SMARCA4: variants seen among roughly 807,000 people sequenced by gnomAD.
SMARCA4 encodes SWI/SNF related BAF chromatin remodeling complex subunit ATPase 4, also known as SWI/SNF-related matrix-associated actin-dependent regulator of chromatin subfamily A member 4.
SMARCA4 carries 31 observed loss-of-function variants against 193.9 expected under a neutral mutation model. The ratio of observed to expected loss-of-function variants is 0.16; its 90% CI spans 0.12 to 0.22. The LOEUF (loss-of-function observed/expected upper bound fraction) is 0.22. SMARCA4 is among the 10% of genes least tolerant of loss of function. The probability of loss-of-function intolerance (pLI) is 1.00; values close to 1 mark genes in which losing one functional copy is unlikely to be tolerated. For missense variants in SMARCA4, 1,148 were observed against 2,296.0 expected (o/e 0.50, Z 10.22); for synonymous variants, 942 against 933.1 (o/e 1.01, Z -0.17).
intron 19 of SMARCA4, among the ~76,000 whole-genome samples, chr19:11,022,492 G>T (rs1240332772): frequency 1.3e-5 from 2 of 152,226 alleles, no homozygotes; most frequent in Non-Finnish European, 2.9e-5. Context: ...CATCATCATT[G>T]ATGAGTGGTC....
intron 18 of SMARCA4, chr19:11,021,347 C>G (rs1055984964): frequency 7.0e-5 from 26 of 370,970 alleles, no homozygotes; most frequent in Non-Finnish European, 1.3e-4. Context: ...CCCTGAGACC[C>G]TCCACACCAG....
chr19:11,027,281 T>G (rs182930784), intron 23 of SMARCA4, among the ~76,000 whole-genome samples: 29 of 152,276 alleles, frequency 1.9e-4, no homozygotes, highest in Non-Finnish European at 2.4e-4. Context: ...TGGTCAGCCA[T>G]ATCACGTCGT....
chr19:11,022,181 C>T (rs1167591589), intron 19 of SMARCA4, among the ~76,000 whole-genome samples: 4 of 152,164 alleles, frequency 2.6e-5, no homozygotes, highest in Non-Finnish European at 5.9e-5. Flanking sequence ...TGGTGAATCT[C>T]GGAATGCTCG....
intron 8 of SMARCA4, among the ~76,000 whole-genome samples, chr19:10,993,680 C>T (rs537058849): frequency 6.6e-6 from 1 of 151,998 alleles, no homozygotes; most frequent in South Asian, 2.1e-4. Flanking sequence ...GAGTCTCGCT[C>T]TGTCGCCCAC....
chr19:11,042,789 C>A (rs1282940319), intron 30 of SMARCA4, among the ~76,000 whole-genome samples: 1 of 152,086 alleles, frequency 6.6e-6, no homozygotes, highest in Non-Finnish European at 1.5e-5. Context: ...GAGTTTGAGA[C>A]CAGCATGGAC....
chr19:11,024,362 C>T lies in SMARCA4; in HGVS notation c.3005C>T (p.Ala1002Val), dbSNP rs1350288991. ...TACGTCATCAAGTGCGACATGTCTGCGCTGCAGCGAGTGCTCTACCGCCAC... is the reference window on the plus strand; with the variant it reads ...TACGTCATCAAGTGCGACATGTCTGTGCTGCAGCGAGTGCTCTACCGCCAC... ...VEYVIKCDMS[A>V]LQRVLYRHMQ... The change falls in exon 21 of 35, where the codon GCG becomes GTG. Residue 1002 changes from alanine to valine, a missense_variant. Physicochemically the swap from Ala to Val is moderately conservative, Grantham distance 64. Coordinates refer to ENST00000344626, the MANE Select transcript of SMARCA4 (RefSeq NM_003072.5). The T allele has an allele frequency of 1.2e-6, 2 of 1,612,632 alleles. No individual in the cohort carries two copies. Among genetic ancestry groups the T allele is most frequent in the Non-Finnish European group, 1.7e-6 (2 of 1,179,526 alleles).
Position 11,030,398 on chromosome 19 carries a change from C to T in SMARCA4, c.3383-332C>T, listed in dbSNP as rs1216306012. On this transcript the variant is annotated intron_variant, in intron 24 of 34. Transcript: ENST00000344626. This position sits in a 1 kb window ranked among gnomAD's most constrained non-coding sequence, Gnocchi z 5.5. ...GTAGAGTAGAGGAGAGAATCCAGGG[C>T]TGTGGTGGTGGTGGCTGTGCTGACG... Among the ~76,000 whole-genome samples the T allele has an allele frequency of 6.6e-6, 1 of 152,198 alleles. No individual in the cohort carries two copies. The highest frequency in any genetic ancestry group is 1.5e-5 in the Non-Finnish European group (1 of 68,038).
rs1286753705 is a variant in SMARCA4 at position 11,031,075 on chromosome 19, G to T, written c.3546+182G>T. The T allele has an allele frequency of 1.5e-6, 1 of 659,134 alleles. No homozygotes were observed. The highest frequency in any genetic ancestry group is 2.7e-6 in the Non-Finnish European group (1 of 365,952). 40.8% of individuals were successfully genotyped at this position (659,134 alleles called of 1,614,324 possible). The stretch of plus-strand genomic sequence containing the variant: ...GGGAGAAAAGAGGCGGGGTCCTCCT[G>T]TTTCCCAAAATACAAACAGCCTTTC... On this transcript the variant is annotated intron_variant, in intron 25 of 34. Coordinates refer to ENST00000344626, the MANE Select transcript of SMARCA4 (RefSeq NM_003072.5). This position sits in a 1 kb window ranked among gnomAD's most constrained non-coding sequence, Gnocchi z 4.3.
intron 22 of SMARCA4, among the ~76,000 whole-genome samples, chr19:11,025,941 G>A (rs551642522): frequency 1.3e-5 from 2 of 152,296 alleles, no homozygotes; most frequent in African/African-American, 4.8e-5. Context: ...GCATATGTTC[G>A]TGTTTCTTGG....
At chr19:10,982,040 A>C (rs951023795) in intron 1 of SMARCA4, among the ~76,000 whole-genome samples, 1 of 151,978 alleles carries the variant, frequency 6.6e-6, no homozygotes. Flanking sequence ...TAGATCACCT[A>C]ATACAATGTA....
At chr19:10,966,357 C>T (rs1261421756) in intron 1 of SMARCA4, among the ~76,000 whole-genome samples, 1 of 151,700 alleles carries the variant, frequency 6.6e-6, no homozygotes, top group Non-Finnish European at 1.5e-5. Flanking sequence ...TTGGGAGGCC[C>T]AGCAGGGCAA....
chr19:11,026,492 C>T (rs1054883874), intron 23 of SMARCA4, 146 bp downstream of exon 23: 4 of 523,782 alleles, frequency 7.6e-6, no homozygotes, highest in Admixed American at 3.2e-5. Flanking sequence ...GCAAATAATA[C>T]AAATCTTTTT....
chr19:11,008,296 G>C, intron 14 of SMARCA4: 1 of 405,110 alleles, frequency 2.5e-6, no homozygotes, highest in South Asian at 2.0e-5. Flanking sequence ...CTGCTCCCCG[G>C]CTCCCTCCCT....
chr19:11,040,371 A>T (rs2075528749), intron 29 of SMARCA4: 1 of 152,106 alleles, frequency 6.6e-6, no homozygotes, highest in African/African-American at 2.4e-5. Flanking sequence ...AGGCGGGCAG[A>T]TCACAAGGTC....
chr19:10,997,545 T>G (rs1057171201), intron 11 of SMARCA4, among the ~76,000 whole-genome samples: 4 of 152,226 alleles, frequency 2.6e-5, no homozygotes, highest in South Asian at 4.1e-4. Flanking sequence ...AGGCTGGTCT[T>G]GAACTCCTGA....
chr19:10,976,238 G>A (rs1452239689), intron 1 of SMARCA4, among the ~76,000 whole-genome samples: 1 of 152,174 alleles, frequency 6.6e-6, no homozygotes, highest in Non-Finnish European at 1.5e-5. Context: ...GGTGTTCCTT[G>A]TCCTTAGACA....
chr19:10,978,822 G>A (rs1296518534), intron 1 of SMARCA4, among the ~76,000 whole-genome samples: 1 of 151,858 alleles, frequency 6.6e-6, no homozygotes, highest in East Asian at 1.9e-4. Context: ...AGTGGTGCGT[G>A]CCTGTAATCC....
In SMARCA4 at chr19:11,021,615, G is replaced by A. The variant is rs564402674; in HGVS notation, c.2617-110G>A. The A allele has an allele frequency of 3.5e-3, 4,771 of 1,371,434 alleles. 14 individuals are homozygous for A. The highest frequency in any genetic ancestry group is 4.4e-3 in the Non-Finnish European group (4,410 of 994,266). The allele number at this position is 1,371,434 out of a possible 1,614,324, so 85.0% of individuals were successfully genotyped here. On this transcript the variant is annotated intron_variant, in intron 18 of 34. Transcript: ENST00000344626. Reference sequence around the variant, plus strand: ...AGGCCTGTGCTCTCCACCCAGCTGCGCTCTTCCACCTGGAGCCTTCCTGGC... The same window carrying A: ...AGGCCTGTGCTCTCCACCCAGCTGCACTCTTCCACCTGGAGCCTTCCTGGC...
chr19:10,968,002 G>A (rs557357259), intron 1 of SMARCA4, among the ~76,000 whole-genome samples: 1 of 151,598 alleles, frequency 6.6e-6, no homozygotes, highest in Admixed American at 6.6e-5. Flanking sequence ...TCAGCCTCCC[G>A]AGTAGCTGAG....
Sources: gnomAD v4.1 joint callset for allele counts (sites outside exome capture counted in the v4.1 genomes callset) on GRCh38, gnomAD v4.1.1 for gene constraint, Gnocchi (gnomAD v3.1) non-coding constraint, MANE v1.5 for transcripts, NCBI Gene and HGNC (gene_info 2026-07-23, HGNC 2026-07-21) for gene names.